The following VAV2 variants were observed in gnomAD, a reference collection of about 807,000 sequenced individuals.
The protein encoded by VAV2 is guanine nucleotide exchange factor VAV2.
In VAV2, 67 loss-of-function variants were observed where a neutral mutation model predicts 132.5. The ratio of observed to expected loss-of-function variants is 0.51; its 90% CI spans 0.42 to 0.62. The LOEUF (loss-of-function observed/expected upper bound fraction) is 0.62, where lower values mean the gene tolerates loss of function less well. Ranked by LOEUF, VAV2 falls within the 20% of genes least tolerant of loss-of-function variation. The probability of loss-of-function intolerance (pLI) is 0.00; values close to 1 mark genes in which losing one functional copy is unlikely to be tolerated. For missense variants in VAV2, 938 were observed against 1,153.6 expected, an observed-to-expected ratio of 0.81 and a Z score of 2.71; for synonymous variants, 492 against 443.5, an observed-to-expected ratio of 1.11 and a Z score of -1.37.
At chr9:133,774,466 G>A (rs562771172) in intron 25 of VAV2, among the ~76,000 whole-genome samples, 56 of 152,308 alleles carry the variant, frequency 3.7e-4, no homozygotes, top group Admixed American at 2.2e-3. Context: ...CCAGGGAGAG[G>A]GCATAGGGCA....
intron 2 of VAV2, among the ~76,000 whole-genome samples, chr9:133,924,294 T>C (rs1399035259): frequency 6.6e-6 from 1 of 152,146 alleles, no homozygotes; most frequent in African/African-American, 2.4e-5. Context: ...GCCATCCTCC[T>C]GCCTTAGCCT....
At position 133,802,298 on chromosome 9, in the gene VAV2, GCA is replaced by G. The variant is rs1158618498; in HGVS notation, c.836+3781_836+3782del. On this transcript the variant is annotated intron_variant, in intron 9 of 29. Coordinates refer to ENST00000371850, the MANE Select transcript of VAV2 (RefSeq NM_001134398.2). This position sits in a 1 kb window ranked among gnomAD's most constrained non-coding sequence, Gnocchi z 5.8. Reference sequence around the variant, plus strand: ...TATGCACACACACACACATGCATGTGCACACAAACACACAAGCACGCGTGTAC... The same window carrying G: ...TATGCACACACACACACATGCATGTGCACAAACACACAAGCACGCGTGTAC... 1.4e-5 allele frequency among the ~76,000 whole-genome samples: 2 copies of G among 147,616 alleles called. No homozygotes were observed. Among genetic ancestry groups the G allele is most frequent in the Non-Finnish European group, 1.5e-5 (1 of 67,254 alleles).
chr9:133,904,738 T>C (rs888925037), intron 2 of VAV2, among the ~76,000 whole-genome samples: 1 of 152,234 alleles, frequency 6.6e-6, no homozygotes, highest in African/African-American at 2.4e-5. Flanking sequence ...GCACCACTAC[T>C]GTCCAAGCTG....
chr9:133,829,939 C>T (rs576193282), intron 4 of VAV2, among the ~76,000 whole-genome samples: 1 of 152,310 alleles, frequency 6.6e-6, no homozygotes, highest in Non-Finnish European at 1.5e-5. Context: ...GGAAATGTGT[C>T]TTCATCTTAA....
At chr9:133,865,559 G>A (rs1390108716) in intron 2 of VAV2, among the ~76,000 whole-genome samples, 1 of 151,264 alleles carries the variant, frequency 6.6e-6, no homozygotes, top group Non-Finnish European at 1.5e-5. Flanking sequence ...TTTCTATTTA[G>A]TTCTTTTCTC....
chr9:133,803,368 GC>G (rs1289881216), intron 9 of VAV2, among the ~76,000 whole-genome samples: 1 of 151,774 alleles, frequency 6.6e-6, no homozygotes, highest in Non-Finnish European at 1.5e-5. Context: ...TAGCTCTCCT[GC>G]CCCCACGTCC....
At position 133,950,521 on chromosome 9, in the gene VAV2, A is replaced by C. The variant is rs1390871121; in HGVS notation, c.205-11302T>G. 2.6e-5 allele frequency among the ~76,000 whole-genome samples: 4 copies of C among 152,284 alleles called. No homozygotes were observed. The East Asian group carries it at 5.8e-4, about 22-fold the overall frequency. On this transcript the variant is annotated intron_variant, in intron 1 of 29. Coordinates refer to ENST00000371850, the MANE Select transcript of VAV2 (RefSeq NM_001134398.2). ...GGTTTAAGCCAAGGCGGGGGGTATA[A>C]AGAGTGGCCCACACAATCGGGACTT...
At chr9:133,801,648 A>G (rs1834933877) in intron 9 of VAV2, among the ~76,000 whole-genome samples, 1 of 152,180 alleles carries the variant, frequency 6.6e-6, no homozygotes, top group African/African-American at 2.4e-5. Flanking sequence ...GGTCCACTAG[A>G]GCCTCACACT....
Position 133,884,339 on chromosome 9 carries a change from C to T in VAV2, c.322-22907G>A, listed in dbSNP as rs1838616869. 6.6e-6 allele frequency among the ~76,000 whole-genome samples: 1 copy of T among 152,218 alleles called. No homozygotes were observed. The highest frequency in any genetic ancestry group is 1.5e-5 in the Non-Finnish European group (1 of 68,038). On this transcript the variant is annotated intron_variant, in intron 2 of 29. Transcript: ENST00000371850. The surrounding 1 kb of genome is among the most constrained non-coding windows in gnomAD (Gnocchi z 5.3). ...CTGCCTCCCAGCTGGACCCCAGGCT[C>T]CTCCAAAGTACAACTCAAAGGACGC...
chr9:133,894,207 C>T (rs1236861660), intron 2 of VAV2, among the ~76,000 whole-genome samples: 13 of 152,218 alleles, frequency 8.5e-5, no homozygotes, highest in Admixed American at 7.8e-4. Context: ...ATCCAGGGAC[C>T]GTGGACACAC....
intron 19 of VAV2, among the ~76,000 whole-genome samples, chr9:133,782,348 T>C (rs534752669): frequency 1.2e-3 from 188 of 152,100 alleles, no homozygotes; most frequent in African/African-American, 4.4e-3. Flanking sequence ...GAGGGCAGTA[T>C]TGATGGGCAC....
At chr9:133,770,744 C>T (rs527546150) in intron 26 of VAV2, among the ~76,000 whole-genome samples, 3 of 152,196 alleles carry the variant, frequency 2.0e-5, no homozygotes, top group Non-Finnish European at 4.4e-5. Context: ...CCAGCACGGA[C>T]ACTGACTGCA....
intron 3 of VAV2, among the ~76,000 whole-genome samples, chr9:133,837,351 C>T (rs1836510605): frequency 1.3e-5 from 2 of 152,328 alleles, no homozygotes; most frequent in South Asian, 4.1e-4. Flanking sequence ...AATCTTGTTT[C>T]CTAACACAGA....
intron 4 of VAV2, among the ~76,000 whole-genome samples, chr9:133,831,815 G>A (rs1836276519): frequency 6.6e-6 from 1 of 152,220 alleles, no homozygotes. Context: ...AGGCTCTGGG[G>A]GGCACAGGCT....
At chr9:133,916,605 G>C (rs1840100592) in intron 2 of VAV2, among the ~76,000 whole-genome samples, 1 of 152,110 alleles carries the variant, frequency 6.6e-6, no homozygotes, top group African/African-American at 2.4e-5. Flanking sequence ...GGGGTGAACA[G>C]AGAAAGGGAG....
chr9:133,838,989 T>C (rs1836606418), intron 3 of VAV2, among the ~76,000 whole-genome samples: 4 of 132,582 alleles, frequency 3.0e-5, no homozygotes, highest in Admixed American at 1.5e-4. Context: ...GATGAATGGA[T>C]GGATGGGTGG....
chr9:133,841,001 T>G (rs1304751289), intron 3 of VAV2, among the ~76,000 whole-genome samples: 1 of 152,116 alleles, frequency 6.6e-6, no homozygotes, highest in Non-Finnish European at 1.5e-5. Context: ...TTGGGTTTGC[T>G]TTCTTGGAGG....
intron 2 of VAV2, among the ~76,000 whole-genome samples, chr9:133,871,090 G>T (rs1470107174): frequency 2.0e-5 from 3 of 151,456 alleles, no homozygotes; most frequent in African/African-American, 7.3e-5. Context: ...ATGCGTGGGT[G>T]GGTGGATGGA....
At chr9:133,895,704 C>T (rs1271956887) in intron 2 of VAV2, among the ~76,000 whole-genome samples, 7 of 152,274 alleles carry the variant, frequency 4.6e-5, no homozygotes, top group East Asian at 1.9e-4. Context: ...GTAATGAAAG[C>T]GTTTTAAAAT....
Sources: gnomAD v4.1 joint callset for allele counts (sites outside exome capture counted in the v4.1 genomes callset) on GRCh38, gnomAD v4.1.1 for gene constraint, Gnocchi (gnomAD v3.1) non-coding constraint, MANE v1.5 for transcripts, NCBI Gene and HGNC (gene_info 2026-07-23, HGNC 2026-07-21) for gene names.